The following OPRD1 variants were observed in gnomAD, a reference collection of about 807,000 sequenced individuals.
The protein encoded by OPRD1 is opioid receptor delta 1, also known as delta-type opioid receptor.
Under a neutral mutation model 17.5 loss-of-function variants are expected in OPRD1, and 19 were observed. The ratio of observed to expected loss-of-function variants is 1.09; its 90% CI spans 0.76 to 1.60. The LOEUF (loss-of-function observed/expected upper bound fraction) is 1.60, where lower values mean the gene tolerates loss of function less well. OPRD1 is among the 40% of genes most tolerant of loss of function. The probability of loss-of-function intolerance (pLI) is 0.00; values close to 1 mark genes in which losing one functional copy is unlikely to be tolerated. For synonymous variants in OPRD1, 256 were observed against 240.9 expected (o/e 1.06, Z -0.58); for missense variants, 483 against 547.2 (o/e 0.88, Z 1.17).
At chr1:28,853,750 T>G (rs927182667) in intron 1 of OPRD1, among the ~76,000 whole-genome samples, 26 of 151,844 alleles carry the variant, frequency 1.7e-4, no homozygotes, top group African/African-American at 6.3e-4. Flanking sequence ...TCTTTTTTTT[T>G]TCTTTTTTTT....
chr1:28,840,472 A>G (rs369047611), intron 1 of OPRD1, among the ~76,000 whole-genome samples: 4 of 152,256 alleles, frequency 2.6e-5, no homozygotes, highest in African/African-American at 9.6e-5. Flanking sequence ...GAGAAGCTAA[A>G]ACTGAAGCCA....
chr1:28,870,631 A>G lies in OPRD1; in HGVS notation c.*7348A>G, dbSNP rs2089209168. 6.6e-6 allele frequency: 1 copy of G among 152,230 alleles called. No individual in the cohort carries two copies. Among genetic ancestry groups the G allele is most frequent in the Admixed American group, 6.5e-5 (1 of 15,274 alleles). 9.4% of individuals were successfully genotyped at this position (152,230 alleles called of 1,614,324 possible). ...CTTGAATTTCAGAAGGTGGGACAAC[A>G]TGTGCTGGAAAGCAGTTCTTAAGAG... On this transcript the variant is annotated 3_prime_UTR_variant, in exon 3 of 3. Transcript: ENST00000234961.
At chr1:28,820,193 ATTTTTTTT>A (rs1271417329) in intron 1 of OPRD1, among the ~76,000 whole-genome samples, 8 of 128,892 alleles carry the variant, frequency 6.2e-5, no homozygotes, top group Admixed American at 1.6e-4. Flanking sequence ...GAGGAACTAG[ATTTTTTTT>A]TTTTTTTTTT....
At chr1:28,859,864 G>T (rs2089097100) in intron 2 of OPRD1, among the ~76,000 whole-genome samples, 1 of 152,336 alleles carries the variant, frequency 6.6e-6, no homozygotes, top group East Asian at 1.9e-4. Flanking sequence ...GTAACTGCCT[G>T]TATCAGGGGA....
intron 1 of OPRD1, among the ~76,000 whole-genome samples, chr1:28,855,405 C>T (rs1328881549): frequency 6.6e-6 from 1 of 152,070 alleles, no homozygotes; most frequent in Non-Finnish European, 1.5e-5. Context: ...GAACTGAGAT[C>T]CCAAAGGTAG....
intron 1 of OPRD1, among the ~76,000 whole-genome samples, chr1:28,845,925 T>C (rs2088936568): frequency 6.6e-6 from 1 of 152,212 alleles, no homozygotes; most frequent in African/African-American, 2.4e-5. Context: ...GTAGTCAGCG[T>C]GATCTTTTAA....
intron 1 of OPRD1, among the ~76,000 whole-genome samples, chr1:28,827,973 G>GAGCTATTTGTAGA (rs2088780467): frequency 5.9e-5 from 9 of 151,908 alleles, no homozygotes; most frequent in Admixed American, 2.0e-4. Context: ...TGGCCTGAAG[G>GAGCTATTTGTAGA]GATCCTCTCA....
chr1:28,823,931 A>C (rs1287703033), intron 1 of OPRD1, among the ~76,000 whole-genome samples: 1 of 145,262 alleles, frequency 6.9e-6, no homozygotes, highest in Non-Finnish European at 1.5e-5. Flanking sequence ...TAATCGCAGC[A>C]CTTTGGGAGG....
At chr1:28,851,654 C>T (rs1165059829) in intron 1 of OPRD1, among the ~76,000 whole-genome samples, 1 of 146,646 alleles carries the variant, frequency 6.8e-6, no homozygotes, top group Non-Finnish European at 1.5e-5. Context: ...GGCGGATCAC[C>T]TGAGGTTGGG....
At chr1:28,848,439 T>A (rs187700495) in intron 1 of OPRD1, among the ~76,000 whole-genome samples, 1 of 152,242 alleles carries the variant, frequency 6.6e-6, no homozygotes, top group East Asian at 1.9e-4. Context: ...TGTCCATCAA[T>A]ATACTCCGTT....
chr1:28,840,427 G>A (rs2088886498), intron 1 of OPRD1, among the ~76,000 whole-genome samples: 1 of 152,028 alleles, frequency 6.6e-6, no homozygotes, highest in South Asian at 2.1e-4. Context: ...AAAAGAGTAT[G>A]TGAAGGACAC....
chr1:28,864,502 C>G lies in OPRD1; in HGVS notation c.*1219C>G, dbSNP rs2089155538. The G allele has an allele frequency of 1.3e-5, 2 of 151,754 alleles. No individual in the cohort carries two copies. Among genetic ancestry groups the G allele is most frequent in the Non-Finnish European group, 2.9e-5 (2 of 67,972 alleles). The allele number at this position is 151,754 out of a possible 1,614,324, so 9.4% of individuals were successfully genotyped here. On this transcript the variant is annotated 3_prime_UTR_variant, in exon 3 of 3. Coordinates refer to ENST00000234961, the MANE Select transcript of OPRD1 (RefSeq NM_000911.4). ...CCAGAACTGAGTACTAATGGGGGCC[C>G]AGAGGCTTGGGAAGGAGAAGGCTTC...
chr1:28,845,443 C>T (rs975024981), intron 1 of OPRD1, among the ~76,000 whole-genome samples: 3 of 149,112 alleles, frequency 2.0e-5, no homozygotes, highest in South Asian at 2.1e-4. Flanking sequence ...TGCACCACTG[C>T]ACTCCAGCCT....
At chr1:28,819,667 A>G (rs1183124306) in intron 1 of OPRD1, among the ~76,000 whole-genome samples, 1 of 152,212 alleles carries the variant, frequency 6.6e-6, no homozygotes, top group Non-Finnish European at 1.5e-5. Flanking sequence ...TGCCTCTCAC[A>G]GCAAGAGAGG....
chr1:28,854,318 C>T (rs2089035130), intron 1 of OPRD1, among the ~76,000 whole-genome samples: 2 of 152,078 alleles, frequency 1.3e-5, no homozygotes, highest in Admixed American at 1.3e-4. Context: ...CCTCCAACTC[C>T]CAGGATCAAG....
chr1:28,847,403 G>A (rs1028851198), intron 1 of OPRD1, among the ~76,000 whole-genome samples: 2 of 152,124 alleles, frequency 1.3e-5, no homozygotes, highest in African/African-American at 4.8e-5. Flanking sequence ...ACAGGACCAG[G>A]GCAGAGGTCC....
intron 1 of OPRD1, among the ~76,000 whole-genome samples, chr1:28,838,508 C>T: frequency 6.6e-6 from 1 of 152,164 alleles, no homozygotes; most frequent in East Asian, 1.9e-4. Flanking sequence ...AGAGCCTCTT[C>T]CAGCACTGAA....
chr1:28,848,200 G>A (rs1453522557), intron 1 of OPRD1, among the ~76,000 whole-genome samples: 1 of 151,928 alleles, frequency 6.6e-6, no homozygotes, highest in Non-Finnish European at 1.5e-5. Flanking sequence ...AGTGAGCCGA[G>A]ATCGTGCCAC....
chr1:28,849,209 TC>T (rs2147744586), intron 1 of OPRD1, among the ~76,000 whole-genome samples: 1 of 151,932 alleles, frequency 6.6e-6, no homozygotes, highest in African/African-American at 2.4e-5. Flanking sequence ...TGGAGACCAG[TC>T]TGAGCAACAT....
Sources: allele counts gnomAD v4.1 joint callset (sites outside exome capture counted in the v4.1 genomes callset), GRCh38; gene constraint gnomAD v4.1.1; transcripts MANE v1.5; gene names NCBI Gene and HGNC (gene_info 2026-07-23, HGNC 2026-07-21).